The following MYBBP1A variants were observed in gnomAD, a reference collection of about 807,000 sequenced individuals.
The protein encoded by MYBBP1A is myb-binding protein 1A.
In MYBBP1A, 147 loss-of-function variants were observed where a neutral mutation model predicts 136.3. The observed-to-expected ratio is 1.08, with a 90% CI of 0.94 to 1.24. The LOEUF is 1.24. Ranked by LOEUF, MYBBP1A falls within the 50% of genes most tolerant of loss-of-function variation. The pLI, the probability that MYBBP1A is intolerant of heterozygous loss-of-function variation, is 0.00. For missense variants in MYBBP1A, 2,060 were observed against 1,727.4 expected (o/e 1.19, Z -3.41); for synonymous variants, 947 against 735.8 (o/e 1.29, Z -4.65).
chr17:4,539,235 G>A lies in MYBBP1A; in HGVS notation c.*180C>T, dbSNP rs1906099174. The A allele has an allele frequency of 1.4e-6, 2 of 1,473,184 alleles. No individual in the cohort carries two copies. The highest frequency in any genetic ancestry group is 2.8e-5 in the African/African-American group (2 of 70,508). The allele number at this position is 1,473,184 out of a possible 1,614,324, so 91.3% of individuals were successfully genotyped here. A position where few individuals can be genotyped will look rare whatever the true frequency, so the allele number is the denominator to read the frequency against. The stretch of plus-strand genomic sequence containing the variant: ...GTCTCTGCACCCTGGGACCCCTGCA[G>A]GAATGGCTCAGGCTGTGCTTGCCAG... On this transcript the variant is annotated 3_prime_UTR_variant, in exon 26 of 26. Transcript: ENST00000254718.
chr17:4,541,042 G>A (rs996453300), intron 24 of MYBBP1A, among the ~76,000 whole-genome samples: 3 of 151,720 alleles, frequency 2.0e-5, no homozygotes, highest in Non-Finnish European at 4.4e-5. Context: ...GGGCCAGACC[G>A]GGGGACCCAG....
rs1357998817 is a variant in MYBBP1A at position 4,540,262 on chromosome 17, C to CAT, written c.3434+85_3434+86insAT. ...CGTGTGCAGTGTGCGTGTGCAGCAG[C>CAT]GTGTGTGCAGCGTGTGTGTGTGTGC... On this transcript the variant is annotated intron_variant, in intron 25 of 25. Coordinates refer to ENST00000254718, the MANE Select transcript of MYBBP1A (RefSeq NM_014520.4). 14 of 1,474,596 alleles carry CAT rather than the reference C, an allele frequency of 9.5e-6. No homozygotes were observed. The African/African-American group carries it at 1.9e-4, about 20-fold the overall frequency. The allele number at this position is 1,474,596 out of a possible 1,614,324, so 91.3% of individuals were successfully genotyped here.
Position 4,548,603 on chromosome 17 carries a change from G to C in MYBBP1A, c.1477C>G (p.Gln493Glu). 1.3e-5 allele frequency: 21 copies of C among 1,614,222 alleles called. No individual in the cohort carries two copies. The highest frequency in any genetic ancestry group is 1.8e-5 in the Non-Finnish European group (21 of 1,180,018). The change falls in exon 11 of 26, where the codon CAG becomes GAG. Residue 493 changes from glutamine to glutamate, a missense_variant. Gln to Glu is a conservative substitution (Grantham distance 29, BLOSUM62 2). Coordinates refer to ENST00000254718, the MANE Select transcript of MYBBP1A (RefSeq NM_014520.4). This position sits in a 1 kb window ranked among gnomAD's most constrained non-coding sequence, Gnocchi z 4.2. ...SFFVTKKPTSQIPETKHPFSF... is the reference protein window; with the variant it reads ...SFFVTKKPTSEIPETKHPFSF... ...AACGGGTGCTTTGTCTCAGGGATCT[G>C]GGATGTGGGCTTCTTTGTGACAAAG...
intron 19 of MYBBP1A, 122 bp from the exon 20 acceptor site, chr17:4,543,287 A>T (rs1402781336): frequency 9.6e-6 from 13 of 1,353,516 alleles, no homozygotes; most frequent in Non-Finnish European, 1.3e-5. Context: ...GACAGAGGCG[A>T]CCCAGGCCAC....
chr17:4,555,290 G>C lies in MYBBP1A; in HGVS notation c.35C>G (p.Pro12Arg), dbSNP rs749419956. The C allele has an allele frequency of 5.0e-6, 8 of 1,609,202 alleles. No homozygotes were observed. In the Admixed American group the frequency reaches 1.2e-4, roughly 24 times the overall value. Residue 12 changes from proline to arginine, a missense_variant, in exon 1 of 26, where the codon CCT (proline) becomes CGT (arginine). Transcript: ENST00000254718. ...ESRDPAQPMS[P>R]GEATQSGARP... ...GGCGCCACTCTGCGTCGCTTCTCCAGGCGACATCGGCTGGGCGGGATCCCG... is the reference window on the plus strand; with the variant it reads ...GGCGCCACTCTGCGTCGCTTCTCCACGCGACATCGGCTGGGCGGGATCCCG...
At position 4,539,165 on chromosome 17, in the gene MYBBP1A, A is replaced by C; in HGVS notation, c.*250T>G. On this transcript the variant is annotated 3_prime_UTR_variant, in exon 26 of 26. Coordinates refer to ENST00000254718, the MANE Select transcript of MYBBP1A (RefSeq NM_014520.4). ...CCAGGCAAACACCAGAGCCCTGGAC[A>C]TGGCCCTGGAGCCAGGGTCCCAGCC... is the stretch of plus-strand genomic sequence containing the variant. The C allele has an allele frequency of 6.9e-7, 1 of 1,458,326 alleles. No individual in the cohort carries two copies. Among genetic ancestry groups the C allele is most frequent in the East Asian group, 2.5e-5 (1 of 40,570 alleles). 90.3% of individuals were successfully genotyped at this position (1,458,326 alleles called of 1,614,324 possible). A position where few individuals can be genotyped will look rare whatever the true frequency, so the allele number is the denominator to read the frequency against.
rs1384059470 is a variant in MYBBP1A at position 4,554,064 on chromosome 17, G to T, written c.408C>A (p.Asn136Lys). ...KAMLRPALFA[N>K]LFGVLALFQS... Reference sequence around the variant, plus strand: ...GAAAGAGGGCGAGCACTCCAAACAGGTTTGCAAAGAGAGCAGGTCTCAGCA... The same window carrying T: ...GAAAGAGGGCGAGCACTCCAAACAGTTTTGCAAAGAGAGCAGGTCTCAGCA... Residue 136 changes from asparagine to lysine, a missense_variant, in exon 4 of 26, where the codon AAC becomes AAA. Asn to Lys is a moderately conservative substitution (Grantham distance 94). Coordinates refer to ENST00000254718, the MANE Select transcript of MYBBP1A (RefSeq NM_014520.4). 1 of 1,614,006 alleles carries T rather than the reference G, an allele frequency of 6.2e-7. No individual in the cohort carries two copies. The highest frequency in any genetic ancestry group is 1.3e-5 in the African/African-American group (1 of 75,024).
intron 3 of MYBBP1A, 25 bp from the exon 4 acceptor site, chr17:4,554,118 C>A (rs1907793594): frequency 1.2e-6 from 2 of 1,613,844 alleles, no homozygotes; most frequent in African/African-American, 1.3e-5. Flanking sequence ...CAGGCACAGG[C>A]ATGAGGGGCC....
Position 4,545,781 on chromosome 17 carries a change from A to C in MYBBP1A, c.1922-20T>G. The C allele has an allele frequency of 3.7e-6, 6 of 1,607,030 alleles. No individual in the cohort carries two copies. Among genetic ancestry groups the C allele is most frequent in the Non-Finnish European group, 5.1e-6 (6 of 1,176,398 alleles). ...GGGGGTCTGCAAGAGGGAGGGGTTG[A>C]GCCCGGATAGGGGACCGCTGGCCCC... On this transcript the variant is annotated intron_variant, in intron 14 of 25. Transcript: ENST00000254718.
chr17:4,546,299 A>G (rs1907006878), intron 13 of MYBBP1A, among the ~76,000 whole-genome samples: 1 of 152,050 alleles, frequency 6.6e-6, no homozygotes, highest in African/African-American at 2.4e-5. Context: ...TTGTATTTTG[A>G]GTAGAGACGG....
chr17:4,542,780 G>C, intron 20 of MYBBP1A, 39 bp from the exon 21 acceptor site: 1 of 1,608,440 alleles, frequency 6.2e-7, no homozygotes, highest in Non-Finnish European at 8.5e-7. Flanking sequence ...GGCCAGGAGA[G>C]GGGTCCCTGG....
Position 4,545,175 on chromosome 17 carries a change from C to A in MYBBP1A, c.2161G>T (p.Asp721Tyr). 2 of 1,613,460 alleles carry A rather than the reference C, an allele frequency of 1.2e-6. No individual in the cohort carries two copies. The highest frequency in any genetic ancestry group is 1.7e-6 in the Non-Finnish European group (2 of 1,179,948). ...TTGTCCTCACCTTCCTCGCTCTTGT[C>A]CTGTGTGGTAGAGGCAGGCGCGTCA... ...SDERRLKGAE[D>Y]KSEEGEDNRS... The change falls in exon 17 of 26, where the codon GAC becomes TAC. Residue 721 changes from aspartate (D) to tyrosine (Y), a missense_variant and splice_region_variant. Physicochemically the swap from Asp to Tyr is radical, Grantham distance 160 (BLOSUM62 -3). Coordinates refer to ENST00000254718, the MANE Select transcript of MYBBP1A (RefSeq NM_014520.4).
rs761856871 is a variant in MYBBP1A, at chr17:4,548,349, G to A, written c.1557-39C>T. ...GGGGCTTGGGGTCAGCAGACCAGAT[G>A]AGTCAATGTAGCCGCCTCCCTCCGC... On this transcript the variant is annotated intron_variant, in intron 11 of 25. Coordinates refer to ENST00000254718, the MANE Select transcript of MYBBP1A (RefSeq NM_014520.4). This position sits in a 1 kb window ranked among gnomAD's most constrained non-coding sequence, Gnocchi z 4.2. 1.1e-4 allele frequency: 169 copies of A among 1,607,506 alleles called. 1 individual carries two copies. In the Admixed American group the frequency reaches 2.8e-3, roughly 26 times the overall value.
In MYBBP1A at chr17:4,543,010, C is replaced by T. The variant is rs376994070; in HGVS notation, c.2795G>A (p.Arg932Gln). ...YHFNASLYLLRVLKGNTAEGC... is the reference protein window; with the variant it reads ...YHFNASLYLLQVLKGNTAEGC... ...CTCAGCAGTGTTGCCCTTCAAGACC[C>T]GGAGCAGGTAGAGAGAGGCGTTGAA... The change falls in exon 20 of 26, where the codon CGG becomes CAG. Residue 932 changes from arginine (R) to glutamine (Q), a missense_variant. Coordinates refer to ENST00000254718, the MANE Select transcript of MYBBP1A (RefSeq NM_014520.4). 3.3e-5 allele frequency: 53 copies of T among 1,613,826 alleles called. No individual in the cohort carries two copies. Among genetic ancestry groups the T allele is most frequent in the Admixed American group, 8.3e-5 (5 of 60,002 alleles).
chr17:4,543,271 G>A (rs894442778), intron 19 of MYBBP1A, 106 bp from the exon 20 acceptor site: 112 of 1,423,020 alleles, frequency 7.9e-5, no homozygotes, highest in Non-Finnish European at 1.0e-4. Flanking sequence ...AACAGACCTA[G>A]AAGACGACAG....
At chr17:4,542,355 GC>G in intron 22 of MYBBP1A, 108 bp downstream of exon 22, 1 of 1,259,152 alleles carries the variant, frequency 7.9e-7, no homozygotes, top group Non-Finnish European at 1.1e-6. Context: ...GGACAGCTGT[GC>G]CCGTGCTCAC....
chr17:4,547,042 G>T (rs1370299300), intron 13 of MYBBP1A, among the ~76,000 whole-genome samples: 3 of 151,940 alleles, frequency 2.0e-5, no homozygotes, highest in Admixed American at 2.0e-4. Flanking sequence ...CTCCTGAGTA[G>T]CTGGGATTAC....
chr17:4,544,563 G>A lies in MYBBP1A; in HGVS notation c.2565C>T (p.Ile855=). The change falls in exon 19 of 26, where the codon ATC becomes ATT. Residue 855 remains isoleucine (I), a synonymous_variant. Transcript: ENST00000254718. ...VLELLEPLLS[I]IRRSLRSSSS... ...TGCTGCTGCGCAGGCTGCGCCGGAT[G>A]ATGCTCAGCAGCGGCTCCAGCAGCT... 1.3e-6 allele frequency: 2 copies of A among 1,570,024 alleles called. No homozygotes were observed. Among genetic ancestry groups the A allele is most frequent in the Non-Finnish European group, 1.7e-6 (2 of 1,158,096 alleles).
rs749583509 is a variant in MYBBP1A at position 4,544,894 on chromosome 17, C to G, written c.2338G>C (p.Glu780Gln). 14 of 1,605,012 alleles carry G rather than the reference C, an allele frequency of 8.7e-6. No homozygotes were observed. In the East Asian group the frequency reaches 1.6e-4, roughly 18 times the overall value. Reference protein sequence around the residue: ...LGGEDSENEEELGDEAMMALD... With the variant: ...LGGEDSENEEQLGDEAMMALD... ...GCCATCATGGCCTCATCCCCCAGCT[C>G]CTCCTCGTTCTCACTGTCCTCTCCA... The change falls in exon 18 of 26, where the codon GAG becomes CAG. Residue 780 changes from glutamate (E) to glutamine (Q), a missense_variant. Coordinates refer to ENST00000254718, the MANE Select transcript of MYBBP1A (RefSeq NM_014520.4).
Sources: gnomAD v4.1 joint callset for allele counts (sites outside exome capture counted in the v4.1 genomes callset) on GRCh38, gnomAD v4.1.1 for gene constraint, Gnocchi (gnomAD v3.1) non-coding constraint, MANE v1.5 for transcripts, NCBI Gene and HGNC (gene_info 2026-07-23, HGNC 2026-07-21) for gene names.